MED14: variants seen among roughly 807,000 people sequenced by gnomAD.
The protein encoded by MED14 is mediator of RNA polymerase II transcription subunit 14.
MED14 carries 8 observed loss-of-function variants against 109.0 expected under a neutral mutation model. The observed-to-expected ratio is 0.07, with a 90% confidence interval of 0.04 to 0.13. MED14 has a LOEUF of 0.13. MED14 is among the 10% of genes least tolerant of loss of function. The pLI is 1.00. For synonymous variants in MED14, 399 were observed against 408.7 expected, an observed-to-expected ratio of 0.98 and a Z score of 0.29; for missense variants, 711 against 1,142.4, an observed-to-expected ratio of 0.62 and a Z score of 5.44.
chrX:40,699,168 A>T (rs771962017), intron 12 of MED14, among the ~76,000 whole-genome samples: 2 of 112,386 alleles, frequency 1.8e-5, no homozygotes, highest in Non-Finnish European at 3.8e-5. Context: ...GTCACAAAAG[A>T]CAGCATATTT....
At chrX:40,712,071 G>T in intron 7 of MED14, 115 bp downstream of exon 7, 1 of 472,536 alleles carries the variant, frequency 2.1e-6, no homozygotes, top group South Asian at 4.7e-5. Context: ...AAGGGTGGGG[G>T]AGATGGGGGC....
intron 14 of MED14, among the ~76,000 whole-genome samples, 186 bp downstream of exon 14, chrX:40,692,522 G>C (rs943939853): frequency 1.8e-5 from 2 of 111,784 alleles, no homozygotes; most frequent in African/African-American, 6.5e-5. Flanking sequence ...CATGGAAAAT[G>C]GTGGACAATT....
In MED14 at chrX:40,649,798, T is replaced by G. The variant is rs1211003590; in HGVS notation, c.*2008A>C. On this transcript the variant is annotated 3_prime_UTR_variant, in exon 31 of 31. Transcript: ENST00000324817. ...ACCAAGCATAATATAAAAATTCAAA[T>G]TCATGGGTTTACTCTTAATAAGCAT... is the stretch of plus-strand genomic sequence containing the variant. 1.2e-6 allele frequency: 1 copy of G among 808,029 alleles called. No homozygotes were observed. The highest frequency in any genetic ancestry group is 2.3e-5 in the African/African-American group (1 of 43,592). The allele number at this position is 808,029 out of a possible 1,213,427, so 66.6% of individuals were successfully genotyped here.
chrX:40,671,944 C>T lies in MED14; in HGVS notation c.3050G>A (p.Gly1017Asp). The T allele has an allele frequency of 8.3e-7, 1 of 1,198,676 alleles. No individual in the cohort carries two copies. Among genetic ancestry groups the T allele is most frequent in the Non-Finnish European group, 1.1e-6 (1 of 888,164 alleles). ...AGGGGGTGAAGTAAGAGGATAAGCA[C>T]CTGATGTTCCTGGCTGCTTTGGAAA... The part of the protein sequence containing the change: ...QPFPKQPGTS[G>D]AYPLTSPPTS... Residue 1017 changes from glycine to aspartate, a missense_variant, in exon 23 of 31, where the codon GGT becomes GAT. Transcript: ENST00000324817.
In MED14 at chrX:40,681,835, A is replaced by G. The variant is rs1489445397; in HGVS notation, c.2457+17T>C. ...AGATTCATAAGACAGGAACTTCAGC[A>G]TTTTAATCAGACTTACTGAGCTTCC... On this transcript the variant is annotated intron_variant, in intron 19 of 30. Coordinates refer to ENST00000324817, the MANE Select transcript of MED14 (RefSeq NM_004229.4). 3.2e-6 allele frequency: 3 copies of G among 937,012 alleles called. No homozygotes were observed. The highest frequency in any genetic ancestry group is 4.4e-6 in the Non-Finnish European group (3 of 680,845). The allele number at this position is 937,012 out of a possible 1,213,427, so 77.2% of individuals were successfully genotyped here. A position where few individuals can be genotyped will look rare whatever the true frequency, so the allele number is the denominator to read the frequency against.
chrX:40,695,100 T>C (rs1930676513), intron 13 of MED14, among the ~76,000 whole-genome samples: 1 of 111,257 alleles, frequency 9.0e-6, no homozygotes. Context: ...TCAAAGAAAC[T>C]GGACGGAAAA....
intron 8 of MED14, 82 bp from the exon 9 acceptor site, chrX:40,710,211 A>G: frequency 1.5e-6 from 1 of 654,765 alleles, no homozygotes; most frequent in Non-Finnish European, 2.2e-6. Context: ...TCCATTGTGC[A>G]GTTTAGCCAC....
intron 21 of MED14, 52 bp downstream of exon 21, chrX:40,679,812 T>C (rs1178273467): frequency 8.8e-7 from 1 of 1,140,371 alleles, no homozygotes; most frequent in Non-Finnish European, 1.2e-6. Flanking sequence ...AAAGAAACTA[T>C]TTTAGAGATA....
At position 40,669,857 on chromosome X, in the gene MED14, C is replaced by T. The variant is rs147117061; in HGVS notation, c.3133+2004G>A. Among the ~76,000 whole-genome samples, 439 of 110,936 alleles carry T rather than the reference C, an allele frequency of 4.0e-3. 3 individuals carry two copies. The highest frequency in any genetic ancestry group is 7.3e-3 in the Admixed American group (76 of 10,412). On this transcript the variant is annotated intron_variant, in intron 23 of 30. Transcript: ENST00000324817. The stretch of plus-strand genomic sequence containing the variant: ...TTTCAAGTCTCAGCTTAACCAGTGT[C>T]GAAAGGAGGGAGGCAAACAACGCAT...
upstream of MED14, among the ~76,000 whole-genome samples, chrX:40,736,011 C>A (rs1226716746): frequency 8.9e-6 from 1 of 111,975 alleles, no homozygotes. Context: ...GTTGTAAAGG[C>A]GACAATTTGC....
Position 40,712,224 on chromosome X carries a change from G to A in MED14, c.851C>T (p.Ala284Val). ...IHQLVQSRLF[A>V]DEKPLQDMYN... The stretch of plus-strand genomic sequence containing the variant: ...CATATCCTGAAGAGGTTTCTCATCA[G>A]CAAAGAGCCTAGACTGCACCAGTTG... Residue 284 changes from alanine (A) to valine (V), a missense_variant, in exon 7 of 31, where the codon GCT (alanine) becomes GTT (valine). Ala to Val is a moderately conservative substitution (Grantham distance 64). Transcript: ENST00000324817. 2 of 1,207,758 alleles carry A rather than the reference G, an allele frequency of 1.7e-6. No homozygotes were observed. The highest frequency in any genetic ancestry group is 2.2e-6 in the Non-Finnish European group (2 of 893,246).
intron 24 of MED14, 103 bp from the exon 25 acceptor site, chrX:40,664,592 T>C: frequency 1.9e-6 from 1 of 515,082 alleles, no homozygotes. Context: ...TTATTTTTTC[T>C]TCCAATAAGA....
At position 40,714,634 on chromosome X, in the gene MED14, T is replaced by C. The variant is rs1237178731; in HGVS notation, c.425A>G (p.Asp142Gly). 5.8e-6 allele frequency: 7 copies of C among 1,211,369 alleles called. No homozygotes were observed. Among genetic ancestry groups the C allele is most frequent in the Non-Finnish European group, 7.8e-6 (7 of 895,286 alleles). Residue 142 changes from aspartate (D) to glycine (G), a missense_variant, in exon 4 of 31, where the codon GAT becomes GGT. Physicochemically the swap from Asp to Gly is moderately conservative, Grantham distance 94 (BLOSUM62 -1). Coordinates refer to ENST00000324817, the MANE Select transcript of MED14 (RefSeq NM_004229.4). ...AGGCAGGCGTGCATGGACCAGAGCATCTCTAGCTAACGAGGCCAGGCGATC... is the reference window on the plus strand; with the variant it reads ...AGGCAGGCGTGCATGGACCAGAGCACCTCTAGCTAACGAGGCCAGGCGATC... The part of the protein sequence containing the change: ...TADRLASLAR[D>G]ALVHARLPSF...
rs1032630827 is a variant in MED14 at position 40,650,247 on chromosome X, A to G, written c.*1559T>C. ...TGAACAGTGGCAGAGTTGGGTGAGA[A>G]GTGGGAGATGAAGGCAGAAATAAGA... On this transcript the variant is annotated 3_prime_UTR_variant, in exon 31 of 31. Coordinates refer to ENST00000324817, the MANE Select transcript of MED14 (RefSeq NM_004229.4). The G allele has an allele frequency of 6.6e-6, 5 of 752,294 alleles. No homozygotes were observed. The highest frequency in any genetic ancestry group is 8.8e-5 in the Admixed American group (1 of 11,401). 62.0% of individuals were successfully genotyped at this position (752,294 alleles called of 1,213,427 possible).
intron 15 of MED14, among the ~76,000 whole-genome samples, chrX:40,691,063 CTG>C (rs1401250976): frequency 8.9e-6 from 1 of 111,856 alleles, no homozygotes; most frequent in Non-Finnish European, 1.9e-5. Context: ...AGGGAAATAA[CTG>C]GGGTTTTAGT....
At chrX:40,706,784 T>C (rs1340972771) in intron 10 of MED14, among the ~76,000 whole-genome samples, 3 of 111,415 alleles carry the variant, frequency 2.7e-5, no homozygotes, top group Non-Finnish European at 5.6e-5. Context: ...GTTTTTTGTT[T>C]CTGTTTTTTA....
chrX:40,735,000 C>T (rs1488356408), intron 1 of MED14, among the ~76,000 whole-genome samples, 198 bp downstream of exon 1: 1 of 111,882 alleles, frequency 8.9e-6, no homozygotes, highest in South Asian at 3.7e-4. Context: ...TAACAAGTCT[C>T]TGTTGCATCG....
chrX:40,717,797 A>G (rs750608247), intron 3 of MED14, among the ~76,000 whole-genome samples: 1 of 112,367 alleles, frequency 8.9e-6, no homozygotes, highest in Non-Finnish European at 1.9e-5. Flanking sequence ...TGCTGGGATT[A>G]CAGGCGTGAG....
intron 24 of MED14, among the ~76,000 whole-genome samples, chrX:40,665,080 T>A (rs1929425801): frequency 8.9e-6 from 1 of 112,230 alleles, no homozygotes; most frequent in Admixed American, 9.5e-5. Flanking sequence ...ATTATTTATA[T>A]CCCTCTGTAA....
Sources: gnomAD v4.1 joint callset for allele counts (sites outside exome capture counted in the v4.1 genomes callset) on GRCh38, gnomAD v4.1.1 for gene constraint, MANE v1.5 for transcripts, NCBI Gene and HGNC (gene_info 2026-07-23, HGNC 2026-07-21) for gene names.